Variants in NXPE2 observed in about 807,000 individuals in gnomAD.
The protein encoded by NXPE2 is NXPE family member 2.
In NXPE2, 34 loss-of-function variants were observed where a neutral mutation model predicts 34.4. The observed-to-expected ratio is 0.99, with a 90% CI of 0.75 to 1.31. The LOEUF (loss-of-function observed/expected upper bound fraction) is 1.31, where lower values mean the gene tolerates loss of function less well. Ranked by LOEUF, NXPE2 falls within the 40% of genes most tolerant of loss-of-function variation. The probability of loss-of-function intolerance (pLI) is 0.00; values close to 1 mark genes in which losing one functional copy is unlikely to be tolerated. For synonymous variants in NXPE2, 235 were observed against 231.3 expected, an observed-to-expected ratio of 1.02 and a Z score of -0.15; for missense variants, 649 against 672.5, an observed-to-expected ratio of 0.97 and a Z score of 0.39.
the NXPE2 span, among the ~76,000 whole-genome samples, chr11:114,573,740 T>A: frequency 6.6e-6 from 1 of 151,732 alleles, no homozygotes; most frequent in African/African-American, 2.4e-5. Flanking sequence ...CCAAAAAAAA[T>A]GAGAGATGGC....
chr11:114,590,442 G>T, the NXPE2 span, among the ~76,000 whole-genome samples: 153 of 152,242 alleles, frequency 1.0e-3, no homozygotes, highest in Middle Eastern at 3.4e-3. Context: ...ACAGGATTTT[G>T]CAGGCTATGG....
chr11:114,588,091 G>T, the NXPE2 span, among the ~76,000 whole-genome samples: 193 of 152,252 alleles, frequency 1.3e-3, 1 homozygote, highest in Non-Finnish European at 2.4e-3. Flanking sequence ...TATCAGGAGG[G>T]CCCAAAGGGA....
the NXPE2 span, among the ~76,000 whole-genome samples, chr11:114,598,284 G>C: frequency 4.8e-5 from 1 of 20,990 alleles, no homozygotes; most frequent in African/African-American, 2.3e-4. Flanking sequence ...CTCTGCCCCT[G>C]TGGCTTTGTG....
At chr11:114,653,530 TC>T in the NXPE2 span, among the ~76,000 whole-genome samples, 29 of 131,272 alleles carry the variant, frequency 2.2e-4, no homozygotes, top group South Asian at 4.4e-3. Context: ...TGTCCTGCTT[TC>T]CCTTTTTTTT....
chr11:114,634,911 T>A, the NXPE2 span, among the ~76,000 whole-genome samples: 4 of 152,092 alleles, frequency 2.6e-5, no homozygotes, highest in Non-Finnish European at 5.9e-5. Context: ...GCCTCCAGCT[T>A]TGTTCTTTTG....
At chr11:114,487,136 A>T in the NXPE2 span, among the ~76,000 whole-genome samples, 2,393 of 152,186 alleles carry the variant, frequency 0.016, 44 homozygotes, top group African/African-American at 0.052. Flanking sequence ...TGAATATGGA[A>T]TGTCTTTCCT....
chr11:114,602,122 A>G, the NXPE2 span, among the ~76,000 whole-genome samples: 97 of 101,964 alleles, frequency 9.5e-4, no homozygotes, highest in African/African-American at 3.9e-3. Flanking sequence ...ATAATTATAT[A>G]TATTATACAT....
the NXPE2 span, among the ~76,000 whole-genome samples, chr11:114,731,616 T>C: frequency 1.6e-4 from 24 of 152,156 alleles, no homozygotes; most frequent in Non-Finnish European, 5.9e-5. Flanking sequence ...TTAAAAAGCC[T>C]CTCTTAAAAG....
At chr11:114,812,362 TAC>T in the NXPE2 span, among the ~76,000 whole-genome samples, 1 of 152,210 alleles carries the variant, frequency 6.6e-6, no homozygotes, top group Non-Finnish European at 1.5e-5. Context: ...AGAGACAAAT[TAC>T]AGTTTAAAAT....
At chr11:114,812,567 A>T in the NXPE2 span, among the ~76,000 whole-genome samples, 1 of 152,150 alleles carries the variant, frequency 6.6e-6, no homozygotes, top group African/African-American at 2.4e-5. Flanking sequence ...GCTCTGTTGG[A>T]ATCATGCCAG....
chr11:114,741,840 G>T, the NXPE2 span, among the ~76,000 whole-genome samples: 1 of 152,034 alleles, frequency 6.6e-6, no homozygotes, highest in South Asian at 2.1e-4. Context: ...AATATTTTGG[G>T]GTTCCATTGA....
chr11:114,522,993 GGTT>G, the NXPE2 span: 411 of 1,613,662 alleles, frequency 2.5e-4, 1 homozygote, highest in Middle Eastern at 2.0e-3. Flanking sequence ...AACTGAACCT[GGTT>G]GCAAAATGTT....
the NXPE2 span, among the ~76,000 whole-genome samples, chr11:114,766,214 A>G: frequency 6.6e-6 from 1 of 152,142 alleles, no homozygotes; most frequent in Non-Finnish European, 1.5e-5. Context: ...TGTTATGAAC[A>G]TAGCTTAGAT....
At chr11:114,768,068 A>G in the NXPE2 span, among the ~76,000 whole-genome samples, 1 of 151,992 alleles carries the variant, frequency 6.6e-6, no homozygotes, top group Non-Finnish European at 1.5e-5. Flanking sequence ...TCTTTAATCC[A>G]TCTTGAGTTA....
chr11:114,761,863 C>T, the NXPE2 span, among the ~76,000 whole-genome samples: 276 of 152,274 alleles, frequency 1.8e-3, 2 homozygotes, highest in African/African-American at 5.4e-3. Context: ...CGTGAGCCAC[C>T]GCGCCCGGCC....
rs1163544067 is a variant in NXPE2 at position 114,705,919 on chromosome 11, T to C, written c.1067T>C (p.Leu356Ser). 1.3e-6 allele frequency: 2 copies of C among 1,541,616 alleles called. No individual in the cohort carries two copies. Among genetic ancestry groups the C allele is most frequent in the Non-Finnish European group, 1.8e-6 (2 of 1,142,798 alleles). The part of the protein sequence containing the change: ...FNETKNINDC[L>S]ERKLIYLMGD... ...GAAACAAAAAATATAAATGACTGCT[T>C]GGAAAGAAAACTTATTTATCTCATG... The change falls in exon 5 of 6, where the codon TTG (leucine) becomes TCG (serine). Residue 356 changes from leucine to serine, a missense_variant. Transcript: ENST00000389586.
the NXPE2 span, among the ~76,000 whole-genome samples, chr11:114,793,591 G>C: frequency 6.6e-6 from 1 of 152,152 alleles, no homozygotes. Flanking sequence ...GGAAGCTTTG[G>C]GAAGAGCAGA....
chr11:114,499,245 T>G, the NXPE2 span, among the ~76,000 whole-genome samples: 4 of 152,156 alleles, frequency 2.6e-5, no homozygotes, highest in Non-Finnish European at 4.4e-5. Context: ...CTTTTAATGT[T>G]TTGAATGTGT....
intron 2 of NXPE2, among the ~76,000 whole-genome samples, chr11:114,686,520 G>C (rs1951051224): frequency 6.6e-6 from 1 of 152,092 alleles, no homozygotes; most frequent in Non-Finnish European, 1.5e-5. Flanking sequence ...ATCCACCATT[G>C]TTGGGCACCT....
Sources: allele counts gnomAD v4.1 joint callset (sites outside exome capture counted in the v4.1 genomes callset), GRCh38; gene constraint gnomAD v4.1.1; transcripts MANE v1.5; gene names NCBI Gene and HGNC (gene_info 2026-07-23, HGNC 2026-07-21).